Variants in IPCEF1 observed in about 807,000 individuals in gnomAD.
The protein encoded by IPCEF1 is interaction protein for cytohesin exchange factors 1, also known as interactor protein for cytohesin exchange factors 1.
A neutral mutation model predicts 50.9 loss-of-function variants in IPCEF1; 31 were observed. The observed-to-expected ratio is 0.61, with a 90% CI of 0.46 to 0.82. The LOEUF (loss-of-function observed/expected upper bound fraction) is 0.82, where lower values mean the gene tolerates loss of function less well. Among genes scored for constraint, IPCEF1 ranks in the 40% least tolerant of loss-of-function variants. The pLI, the probability that IPCEF1 is intolerant of heterozygous loss-of-function variation, is 0.00. For synonymous variants in IPCEF1, 181 were observed against 192.0 expected (o/e 0.94, Z 0.47); for missense variants, 458 against 514.0 (o/e 0.89, Z 1.05).
chr6:154,179,884 G>A (rs1800683473), intron 10 of IPCEF1, among the ~76,000 whole-genome samples: 1 of 152,120 alleles, frequency 6.6e-6, no homozygotes, highest in Admixed American at 6.5e-5. Context: ...TTAACATGTA[G>A]ATTCCATTTG....
chr6:154,178,504 C>A (rs1456762985), intron 10 of IPCEF1, among the ~76,000 whole-genome samples: 1 of 151,938 alleles, frequency 6.6e-6, no homozygotes, highest in Non-Finnish European at 1.5e-5. Context: ...TATCTTCCTC[C>A]CCCTCTTCCA....
chr6:154,218,444 T>C (rs909278200), intron 7 of IPCEF1, among the ~76,000 whole-genome samples: 8 of 152,172 alleles, frequency 5.3e-5, no homozygotes, highest in African/African-American at 1.7e-4. Flanking sequence ...CTGAGAGAAA[T>C]GTCACTATCC....
intron 5 of IPCEF1, 38 bp downstream of exon 5, chr6:154,246,553 T>G (rs750140444): frequency 2.5e-6 from 4 of 1,579,774 alleles, no homozygotes; most frequent in Non-Finnish European, 3.4e-6. Context: ...TATCCCTCAT[T>G]AAAACGGCTG....
intron 1 of IPCEF1, among the ~76,000 whole-genome samples, chr6:154,302,632 G>A (rs938432876): frequency 6.6e-6 from 1 of 152,002 alleles, no homozygotes; most frequent in African/African-American, 2.4e-5. Context: ...GTGCCACCAC[G>A]CCTGGCTAAT....
Position 154,317,068 on chromosome 6 carries a change from T to C in IPCEF1, c.-61-27312A>G, listed in dbSNP as rs73571050. 2.6e-3 allele frequency among the ~76,000 whole-genome samples: 399 copies of C among 152,200 alleles called. 3 individuals are homozygous for C. Among genetic ancestry groups the C allele is most frequent in the African/African-American group, 9.4e-3 (389 of 41,512 alleles). On this transcript the variant is annotated intron_variant, in intron 1 of 11. Transcript: ENST00000367220. ...GATCTTGGGGTAGGCAAAGATTTCTTACTCAGGATACGGAAAGCAATAAAC... is the reference window on the plus strand; with the variant it reads ...GATCTTGGGGTAGGCAAAGATTTCTCACTCAGGATACGGAAAGCAATAAAC...
chr6:154,226,139 C>A (rs918068270), intron 5 of IPCEF1, among the ~76,000 whole-genome samples: 1 of 152,200 alleles, frequency 6.6e-6, no homozygotes, highest in Non-Finnish European at 1.5e-5. Context: ...GACTTATTCT[C>A]TTTTTGTTCC....
rs1301001893 is a variant in IPCEF1 at position 154,158,953 on chromosome 6, C to T, written c.*875G>A. 6.6e-6 allele frequency: 1 copy of T among 151,922 alleles called. No homozygotes were observed. The highest frequency in any genetic ancestry group is 2.1e-4 in the South Asian group (1 of 4,804). 9.4% of individuals were successfully genotyped at this position (151,922 alleles called of 1,614,324 possible). ...AAAGATATTAAAACAATTCAGATGCCAAAGTCGTCTTGTCAATATTGATCC... is the reference window on the plus strand; with the variant it reads ...AAAGATATTAAAACAATTCAGATGCTAAAGTCGTCTTGTCAATATTGATCC... On this transcript the variant is annotated 3_prime_UTR_variant, in exon 12 of 12. Coordinates refer to ENST00000367220, the MANE Select transcript of IPCEF1 (RefSeq NM_001130700.2).
intron 2 of IPCEF1, among the ~76,000 whole-genome samples, chr6:154,284,826 C>G (rs1420241343): frequency 6.6e-6 from 1 of 152,034 alleles, no homozygotes; most frequent in Non-Finnish European, 1.5e-5. Flanking sequence ...ATAGTGAAAC[C>G]CCGTCTCTAC....
chr6:154,315,114 C>T (rs1467479278), intron 1 of IPCEF1, among the ~76,000 whole-genome samples: 1 of 152,148 alleles, frequency 6.6e-6, no homozygotes, highest in East Asian at 1.9e-4. Context: ...AACTCCTGAC[C>T]TCAAATGATC....
chr6:154,296,926 C>T (rs1478525356), intron 1 of IPCEF1, among the ~76,000 whole-genome samples: 1 of 152,132 alleles, frequency 6.6e-6, no homozygotes, highest in Non-Finnish European at 1.5e-5. Flanking sequence ...TGACAGGGCC[C>T]CAGCCACAGT....
intron 5 of IPCEF1, among the ~76,000 whole-genome samples, chr6:154,234,020 G>A (rs1411672101): frequency 6.6e-6 from 1 of 152,110 alleles, no homozygotes; most frequent in African/African-American, 2.4e-5. Flanking sequence ...ACCAGCCTGG[G>A]CAACACAGTG....
rs9384198 is a variant in IPCEF1 at position 154,273,690 on chromosome 6, A to G, written c.-17-7726T>C. 2.6e-3 allele frequency among the ~76,000 whole-genome samples: 97 copies of G among 37,616 alleles called. 2 individuals carry two copies. In the East Asian group the frequency reaches 0.11, roughly 41 times the overall value. The allele number at this position is 37,616 out of a possible 152,430, so 24.7% of individuals were successfully genotyped here. ...AAAGTAGCTTCATCCAAATTATTTT[A>G]AGCTTTTTTCTTTTTTTCTTTCTTT... On this transcript the variant is annotated intron_variant, in intron 2 of 11. Coordinates refer to ENST00000367220, the MANE Select transcript of IPCEF1 (RefSeq NM_001130700.2).
At chr6:154,300,895 T>C (rs1368210646) in intron 1 of IPCEF1, among the ~76,000 whole-genome samples, 3 of 152,248 alleles carry the variant, frequency 2.0e-5, no homozygotes, top group Non-Finnish European at 2.9e-5. Context: ...GAAGTTGCCC[T>C]GTTACTTGAC....
At chr6:154,293,422 C>A (rs1477232773) in intron 1 of IPCEF1, among the ~76,000 whole-genome samples, 2 of 152,198 alleles carry the variant, frequency 1.3e-5, no homozygotes, top group Non-Finnish European at 2.9e-5. Context: ...CTGACAAAAA[C>A]CACTTTACTA....
At chr6:154,303,596 C>T (rs1003530644) in intron 1 of IPCEF1, among the ~76,000 whole-genome samples, 8 of 152,030 alleles carry the variant, frequency 5.3e-5, no homozygotes, top group Non-Finnish European at 4.4e-5. Flanking sequence ...GATTCTCATA[C>T]ATTCTTCTGT....
At chr6:154,227,410 TA>T (rs1377350145) in intron 5 of IPCEF1, among the ~76,000 whole-genome samples, 1 of 151,822 alleles carries the variant, frequency 6.6e-6, no homozygotes, top group Admixed American at 6.6e-5. Context: ...CTTTTAGTAA[TA>T]TTTTTATTCA....
chr6:154,277,434 A>C (rs959410782), intron 2 of IPCEF1, among the ~76,000 whole-genome samples: 2 of 152,236 alleles, frequency 1.3e-5, no homozygotes, highest in African/African-American at 4.8e-5. Flanking sequence ...CATAACATGT[A>C]TGCAAAGAGA....
In IPCEF1 at chr6:154,223,222, C is replaced by T. The variant is rs765725199; in HGVS notation, c.268G>A (p.Val90Ile). ...NQMAEKADGF[V>I]NLPDFTVERA... ...TCCACAGTGAAATCAGGCAGGTTGA[C>T]AAATCCATCAGCTTTCTCTGCCTGA... is the stretch of plus-strand genomic sequence containing the variant. The change falls in exon 6 of 12, where the codon GTC becomes ATC. Residue 90 changes from valine to isoleucine, a missense_variant. By Grantham distance (29) the Val-to-Ile change is conservative. Transcript: ENST00000367220. The T allele has an allele frequency of 5.0e-6, 8 of 1,613,318 alleles. No individual in the cohort carries two copies. Among genetic ancestry groups the T allele is most frequent in the South Asian group, 1.1e-5 (1 of 91,042 alleles).
chr6:154,222,935 C>A (rs778969462), intron 6 of IPCEF1: 22 of 556,478 alleles, frequency 4.0e-5, no homozygotes, highest in Non-Finnish European at 5.8e-5. Context: ...CAACAACAGT[C>A]CATGCCAAGA....
Sources: allele counts gnomAD v4.1 joint callset (sites outside exome capture counted in the v4.1 genomes callset), GRCh38; gene constraint gnomAD v4.1.1; transcripts MANE v1.5; gene names NCBI Gene and HGNC (gene_info 2026-07-23, HGNC 2026-07-21).